The following HTR4 variants were observed in gnomAD, a reference collection of about 807,000 sequenced individuals.
HTR4 encodes 5-hydroxytryptamine receptor 4, also known as 5-hydroxytryptamine (serotonin) receptor 4, G protein-coupled.
Under a neutral mutation model 36.8 loss-of-function variants are expected in HTR4, and 16 were observed. That is an observed-to-expected ratio of 0.43 (90% CI 0.29 to 0.66). The LOEUF (loss-of-function observed/expected upper bound fraction) is 0.66. HTR4 is among the 30% of genes least tolerant of loss of function. The pLI, the probability that HTR4 is intolerant of heterozygous loss-of-function variation, is 0.13. For synonymous variants in HTR4, 189 were observed against 185.1 expected (o/e 1.02, Z -0.17); for missense variants, 438 against 490.9 (o/e 0.89, Z 1.02).
intron 4 of HTR4, among the ~76,000 whole-genome samples, chr5:148,529,108 G>C (rs761208099): frequency 1.3e-5 from 2 of 151,936 alleles, no homozygotes; most frequent in Non-Finnish European, 2.9e-5. Context: ...GAACTGAGCT[G>C]GCATCTAGCC....
intron 2 of HTR4, among the ~76,000 whole-genome samples, chr5:148,580,640 G>A (rs985151965): frequency 3.9e-5 from 6 of 152,032 alleles, no homozygotes; most frequent in African/African-American, 1.2e-4. Flanking sequence ...TTCCGTGACC[G>A]ACTTATGTCG....
downstream of HTR4, chr5:148,476,835 G>T (rs1168045558): frequency 4.5e-5 from 71 of 1,595,442 alleles, no homozygotes; most frequent in Non-Finnish European, 5.9e-5. Context: ...TAAAATGTTT[G>T]GGGATTGGAA....
intron 2 of HTR4, chr5:148,628,504 G>T (rs1449002423): frequency 6.6e-6 from 1 of 152,120 alleles, no homozygotes; most frequent in African/African-American, 2.4e-5. Context: ...TATTGTCATG[G>T]TTGAGTGACA....
chr5:148,548,889 G>C, intron 3 of HTR4, 21 bp from the exon 4 acceptor site: 1 of 1,587,742 alleles, frequency 6.3e-7, no homozygotes, highest in Non-Finnish European at 8.6e-7. Context: ...AAAAGTGTAA[G>C]AGAGGAGGCA....
At position 148,509,849 on chromosome 5, in the gene HTR4, A is replaced by G. The variant is rs762777437; in HGVS notation, c.683T>C (p.Met228Thr). 1.2e-6 allele frequency: 2 copies of G among 1,614,008 alleles called. No individual in the cohort carries two copies. The highest frequency in any genetic ancestry group is 1.1e-5 in the South Asian group (1 of 91,070). Residue 228 changes from methionine (M) to threonine (T), a missense_variant, in exon 6 of 7, where the codon ATG becomes ACG. By Grantham distance (81) the Met-to-Thr change is moderately conservative. Transcript: ENST00000377888. The part of the protein sequence containing the change: ...TAKEHAHQIQ[M>T]LQRAGASSES... ...GGAGGAGGCTCCTGCCCGTTGTAAC[A>G]TCTGGATCTGATGGGCATGCTCCTT... is the stretch of plus-strand genomic sequence containing the variant.
At chr5:148,491,466 G>A (rs1756435266) in intron 6 of HTR4, among the ~76,000 whole-genome samples, 1 of 152,158 alleles carries the variant, frequency 6.6e-6, no homozygotes, top group Non-Finnish European at 1.5e-5. Flanking sequence ...GTAAAGCTCA[G>A]AGGACTAGTT....
intron 5 of HTR4, among the ~76,000 whole-genome samples, chr5:148,511,151 C>T (rs370523523): frequency 1.3e-5 from 2 of 152,162 alleles, no homozygotes; most frequent in South Asian, 2.1e-4. Context: ...CATAGCTGAA[C>T]CTTCCATCCT....
intron 2 of HTR4, among the ~76,000 whole-genome samples, chr5:148,587,972 A>G (rs942650258): frequency 6.6e-6 from 1 of 152,186 alleles, no homozygotes; most frequent in Non-Finnish European, 1.5e-5. Flanking sequence ...CAGCATGGGG[A>G]TAACTGACTG....
chr5:148,569,206 T>A (rs1760575051), intron 2 of HTR4, among the ~76,000 whole-genome samples: 1 of 152,084 alleles, frequency 6.6e-6, no homozygotes, highest in Non-Finnish European at 1.5e-5. Flanking sequence ...TCTTTTATGT[T>A]TTTTCTCAGT....
chr5:148,613,138 C>A (rs1372460316), intron 2 of HTR4, among the ~76,000 whole-genome samples: 1 of 150,334 alleles, frequency 6.7e-6, no homozygotes, highest in Non-Finnish European at 1.5e-5. Flanking sequence ...TGAAACTATT[C>A]CAATCAATAG....
At chr5:148,486,236 T>C (rs1236040129) in intron 6 of HTR4, among the ~76,000 whole-genome samples, 1 of 152,198 alleles carries the variant, frequency 6.6e-6, no homozygotes, top group Non-Finnish European at 1.5e-5. Context: ...TGTTCACAGT[T>C]AGCAGTTTAG....
chr5:148,458,156 AT>A (rs1264025239), intron 5 of HTR4, among the ~76,000 whole-genome samples: 22 of 134,830 alleles, frequency 1.6e-4, no homozygotes, highest in Non-Finnish European at 2.4e-4. Flanking sequence ...TTAATATATC[AT>A]TAAAATATAT....
chr5:148,529,449 G>C (rs890947320), intron 4 of HTR4, among the ~76,000 whole-genome samples: 12 of 152,132 alleles, frequency 7.9e-5, no homozygotes, highest in African/African-American at 2.4e-4. Context: ...TTTATAAAGG[G>C]GAATTTCCCT....
At chr5:148,506,621 C>T (rs760373620) in intron 6 of HTR4, among the ~76,000 whole-genome samples, 4 of 151,976 alleles carry the variant, frequency 2.6e-5, no homozygotes, top group African/African-American at 7.3e-5. Flanking sequence ...TGCAATCTAC[C>T]CATCTGACAA....
chr5:148,463,313 C>T (rs187670083), intron 5 of HTR4, among the ~76,000 whole-genome samples: 3 of 151,324 alleles, frequency 2.0e-5, no homozygotes, highest in Non-Finnish European at 2.9e-5. Flanking sequence ...GATGGGACTA[C>T]AGGCATGCAC....
At chr5:148,521,704 A>T (rs1251621481) in intron 5 of HTR4, among the ~76,000 whole-genome samples, 2 of 152,252 alleles carry the variant, frequency 1.3e-5, no homozygotes, top group Non-Finnish European at 2.9e-5. Context: ...CAGGGATCGG[A>T]ATAATGCCTG....
At chr5:148,507,649 T>C (rs1581398054) in intron 6 of HTR4, among the ~76,000 whole-genome samples, 2 of 152,224 alleles carry the variant, frequency 1.3e-5, no homozygotes, top group Admixed American at 1.3e-4. Flanking sequence ...ATTGTCTCTT[T>C]GCTTTACAAT....
intron 2 of HTR4, among the ~76,000 whole-genome samples, chr5:148,580,386 T>C (rs2127243664): frequency 6.6e-6 from 1 of 152,192 alleles, no homozygotes; most frequent in African/African-American, 2.4e-5. Flanking sequence ...GTATCCATCA[T>C]GCCAAAATTC....
chr5:148,615,764 A>G (rs1178553190), intron 2 of HTR4, among the ~76,000 whole-genome samples: 1 of 152,126 alleles, frequency 6.6e-6, no homozygotes, highest in Non-Finnish European at 1.5e-5. Flanking sequence ...AGGTATGTTA[A>G]GTGGTTAAGT....
Sources: gnomAD v4.1 joint callset for allele counts (sites outside exome capture counted in the v4.1 genomes callset) on GRCh38, gnomAD v4.1.1 for gene constraint, MANE v1.5 for transcripts, NCBI Gene and HGNC (gene_info 2026-07-23, HGNC 2026-07-21) for gene names.